LOXL1: variants seen among roughly 807,000 people sequenced by gnomAD.
LOXL1 encodes lysyl oxidase like 1, also known as lysyl oxidase homolog 1.
Under a neutral mutation model 62.2 loss-of-function variants are expected in LOXL1, and 31 were observed. That is an observed-to-expected ratio of 0.50 (90% CI 0.37 to 0.67). The LOEUF (loss-of-function observed/expected upper bound fraction) is 0.67. Among genes scored for constraint, LOXL1 ranks in the 30% least tolerant of loss-of-function variants. The pLI, the probability that LOXL1 is intolerant of heterozygous loss-of-function variation, is 0.00. For synonymous variants in LOXL1, 403 were observed against 384.4 expected (o/e 1.05, Z -0.56); for missense variants, 775 against 843.4 (o/e 0.92, Z 1.00).
Position 73,951,744 on chromosome 15 carries a change from T to C in LOXL1, c.1719-87T>C, listed in dbSNP as rs1221062567. 49 of 1,251,768 alleles carry C rather than the reference T, an allele frequency of 3.9e-5. No individual in the cohort carries two copies. The East Asian group carries it at 1.3e-3, about 34-fold the overall frequency. The allele number at this position is 1,251,768 out of a possible 1,614,324, so 77.5% of individuals were successfully genotyped here. ...CATGCCTGCCCTGCCACGAGGGATC[T>C]GGGCTGTGGGAGGGACGCCCTGGCT... is the stretch of plus-strand genomic sequence containing the variant. On this transcript the variant is annotated intron_variant, in intron 6 of 6. Coordinates refer to ENST00000261921, the MANE Select transcript of LOXL1 (RefSeq NM_005576.4).
chr15:73,949,165 G>T (rs750460), intron 5 of LOXL1, among the ~76,000 whole-genome samples: 1 of 152,006 alleles, frequency 6.6e-6, no homozygotes, highest in East Asian at 1.9e-4. Flanking sequence ...GCATTCCCTC[G>T]GGCAGGATCC....
At position 73,945,298 on chromosome 15, in the gene LOXL1, G is replaced by A. The variant is rs2068740420; in HGVS notation, c.1212-1119G>A. The stretch of plus-strand genomic sequence containing the variant: ...CATGCAATCAGGGAGAGGTGGTCTG[G>A]ACCCAGTGCAAGATGTAGATGGTAT... On this transcript the variant is annotated intron_variant, in intron 2 of 6. Transcript: ENST00000261921. The surrounding 1 kb of genome is among the most constrained non-coding windows in gnomAD (Gnocchi z 4.3). Among the ~76,000 whole-genome samples, 1 of 152,188 alleles carries A rather than the reference G, an allele frequency of 6.6e-6. No homozygotes were observed. Among genetic ancestry groups the A allele is most frequent in the African/African-American group, 2.4e-5 (1 of 41,438 alleles).
Position 73,952,048 on chromosome 15 carries a change from T to C in LOXL1, c.*211T>C. On this transcript the variant is annotated 3_prime_UTR_variant, in exon 7 of 7. Coordinates refer to ENST00000261921, the MANE Select transcript of LOXL1 (RefSeq NM_005576.4). Reference sequence around the variant, plus strand: ...TTCACTTTTCTCTACAGTGTTGTTTTGTTGTTGTTGGTTTTTATTTTTTAT... The same window carrying C: ...TTCACTTTTCTCTACAGTGTTGTTTCGTTGTTGTTGGTTTTTATTTTTTAT... 2.5e-6 allele frequency: 1 copy of C among 406,286 alleles called. No individual in the cohort carries two copies. The highest frequency in any genetic ancestry group is 4.3e-6 in the Non-Finnish European group (1 of 231,044). The allele number at this position is 406,286 out of a possible 1,614,324, so 25.2% of individuals were successfully genotyped here. A position where few individuals can be genotyped will look rare whatever the true frequency, so the allele number is the denominator to read the frequency against.
In LOXL1 at chr15:73,941,445, C is replaced by T. The variant is rs77606482; in HGVS notation, c.1103-1409C>T. Among the ~76,000 whole-genome samples, 27 of 152,278 alleles carry T rather than the reference C, an allele frequency of 1.8e-4. No homozygotes were observed. The East Asian group carries it at 5.0e-3, about 28-fold the overall frequency. Reference sequence around the variant, plus strand: ...TTCTGCCGATGGCTTAGAAGCCAGCCTTCCCCTCCTTGGCCTCATCTTCCA... The same window carrying T: ...TTCTGCCGATGGCTTAGAAGCCAGCTTTCCCCTCCTTGGCCTCATCTTCCA... On this transcript the variant is annotated intron_variant, in intron 1 of 6. Coordinates refer to ENST00000261921, the MANE Select transcript of LOXL1 (RefSeq NM_005576.4).
intron 1 of LOXL1, among the ~76,000 whole-genome samples, chr15:73,936,738 T>C (rs991392574): frequency 6.6e-6 from 1 of 152,168 alleles, no homozygotes; most frequent in African/African-American, 2.4e-5. Flanking sequence ...GCCACAGGGC[T>C]CTCAGCGCCA....
chr15:73,947,658 G>A (rs758469352), intron 4 of LOXL1, 149 bp from the exon 5 acceptor site: 2 of 586,598 alleles, frequency 3.4e-6, no homozygotes, highest in Non-Finnish European at 6.1e-6. Context: ...GTGGCTTTAG[G>A]AAGGTGTGGA....
chr15:73,951,565 A>C (rs2068787354), intron 6 of LOXL1, among the ~76,000 whole-genome samples: 1 of 152,150 alleles, frequency 6.6e-6, no homozygotes, highest in African/African-American at 2.4e-5. Context: ...AGACAGTAGC[A>C]GCTCTGCTAA....
In LOXL1 at chr15:73,927,097, G is replaced by C; in HGVS notation, c.314G>C (p.Arg105Pro). Residue 105 changes from arginine to proline, a missense_variant, in exon 1 of 7, where the codon CGC (arginine) becomes CCC (proline). Arg to Pro is a moderately radical substitution (Grantham distance 103, BLOSUM62 -2). Coordinates refer to ENST00000261921, the MANE Select transcript of LOXL1 (RefSeq NM_005576.4). Reference sequence around the variant, plus strand: ...GCGCCGTCCCTGCCCCTGCCGGGGCGCGTGGGCTCGGACACCGTGCGCGGC... The same window carrying C: ...GCGCCGTCCCTGCCCCTGCCGGGGCCCGTGGGCTCGGACACCGTGCGCGGC... ...RQAPSLPLPG[R>P]VGSDTVRGQA... 1 of 1,298,962 alleles carries C rather than the reference G, an allele frequency of 7.7e-7. No homozygotes were observed. Among genetic ancestry groups the C allele is most frequent in the Non-Finnish European group, 9.8e-7 (1 of 1,018,966 alleles). The allele number at this position is 1,298,962 out of a possible 1,614,324, so 80.5% of individuals were successfully genotyped here. A position where few individuals can be genotyped will look rare whatever the true frequency, so the allele number is the denominator to read the frequency against.
rs745891808 is a variant in LOXL1 at position 73,927,366 on chromosome 15, T to A, written c.583T>A (p.Ser195Thr). 6.3e-7 allele frequency: 1 copy of A among 1,587,614 alleles called. No individual in the cohort carries two copies. Among genetic ancestry groups the A allele is most frequent in the Non-Finnish European group, 8.6e-7 (1 of 1,168,280 alleles). ...CCAGTACGAGAACTACGACCCCGCG[T>A]CGCGGACCTACGACCAGGGTTTCGT... Reference protein sequence around the residue: ...VSQYENYDPASRTYDQGFVYY... With the variant: ...VSQYENYDPATRTYDQGFVYY... The change falls in exon 1 of 7, where the codon TCG becomes ACG. Residue 195 changes from serine (S) to threonine (T), a missense_variant. Physicochemically the swap from Ser to Thr is moderately conservative, Grantham distance 58. Coordinates refer to ENST00000261921, the MANE Select transcript of LOXL1 (RefSeq NM_005576.4).
At chr15:73,937,253 C>G (rs2068680551) in intron 1 of LOXL1, among the ~76,000 whole-genome samples, 1 of 152,242 alleles carries the variant, frequency 6.6e-6, no homozygotes, top group Non-Finnish European at 1.5e-5. Context: ...CAGGTTCCTC[C>G]TACTGTGCTC....
chr15:73,949,164 C>T (rs902854926), intron 5 of LOXL1, among the ~76,000 whole-genome samples: 1 of 152,214 alleles, frequency 6.6e-6, no homozygotes, highest in South Asian at 2.1e-4. Flanking sequence ...TGCATTCCCT[C>T]GGGCAGGATC....
At position 73,947,052 on chromosome 15, in the gene LOXL1, C is replaced by A; in HGVS notation, c.1350-15C>A. 1 of 1,577,238 alleles carries A rather than the reference C, an allele frequency of 6.3e-7. No individual in the cohort carries two copies. The highest frequency in any genetic ancestry group is 1.1e-5 in the South Asian group (1 of 87,782). ...ACTAGGCCCTCTTCTTTCTCCTTCT[C>A]TCCTCTGCCCCTAGGCATTACCACA... is the stretch of plus-strand genomic sequence containing the variant. On this transcript the variant is annotated splice_polypyrimidine_tract_variant and intron_variant, in intron 3 of 6. Transcript: ENST00000261921.
chr15:73,933,297 C>T (rs2068647657), intron 1 of LOXL1, among the ~76,000 whole-genome samples: 1 of 152,186 alleles, frequency 6.6e-6, no homozygotes, highest in African/African-American at 2.4e-5. Flanking sequence ...AAGCTTAGAC[C>T]TAGGCTGACT....
At chr15:73,951,738 G>A in intron 6 of LOXL1, 93 bp from the exon 7 acceptor site, 1 of 1,158,924 alleles carries the variant, frequency 8.6e-7, no homozygotes, top group Non-Finnish European at 1.2e-6. Context: ...CCTGCCACGA[G>A]GGATCTGGGC....
intron 1 of LOXL1, among the ~76,000 whole-genome samples, chr15:73,934,424 G>C (rs4337252): frequency 0.52 from 78,762 of 151,956 alleles, 20,728 homozygotes; most frequent in East Asian, 0.67. Context: ...ACCTGGGGTG[G>C]AGAGTGGCCC....
intron 1 of LOXL1, among the ~76,000 whole-genome samples, chr15:73,941,639 G>A (rs755589404): frequency 5.3e-5 from 8 of 152,086 alleles, no homozygotes; most frequent in Non-Finnish European, 1.0e-4. Context: ...TCACTTACCT[G>A]ACAGAATCCC....
intron 1 of LOXL1, among the ~76,000 whole-genome samples, chr15:73,931,470 C>T (rs1223887913): frequency 1.3e-5 from 2 of 152,158 alleles, no homozygotes; most frequent in Non-Finnish European, 2.9e-5. Context: ...GTGTCTCAGC[C>T]CAGCACTCCA....
At chr15:73,933,538 A>G (rs932772861) in intron 1 of LOXL1, among the ~76,000 whole-genome samples, 6 of 152,132 alleles carry the variant, frequency 3.9e-5, no homozygotes, top group Non-Finnish European at 7.4e-5. Context: ...TTACTGCTAG[A>G]CTTGGCCTGG....
At chr15:73,932,741 A>G (rs1006164765) in intron 1 of LOXL1, among the ~76,000 whole-genome samples, 6 of 152,264 alleles carry the variant, frequency 3.9e-5, no homozygotes. Flanking sequence ...CAGATGAGGA[A>G]ACTGTGGCCC....
Sources: allele counts gnomAD v4.1 joint callset (sites outside exome capture counted in the v4.1 genomes callset), GRCh38; gene constraint gnomAD v4.1.1; non-coding constraint Gnocchi (gnomAD v3.1); transcripts MANE v1.5; gene names NCBI Gene and HGNC (gene_info 2026-07-23, HGNC 2026-07-21).